The following DIS3L2 variants were observed in gnomAD, a reference collection of about 807,000 sequenced individuals.
DIS3L2 encodes DIS3-like exonuclease 2.
In DIS3L2, 34 loss-of-function variants were observed where a neutral mutation model predicts 97.5. The observed-to-expected ratio is 0.35, with a 90% CI of 0.27 to 0.46. The LOEUF is 0.46. Among genes scored for constraint, DIS3L2 ranks in the 20% least tolerant of loss-of-function variants. DIS3L2 has a pLI of 1.00. For synonymous variants in DIS3L2, 435 were observed against 445.2 expected (o/e 0.98, Z 0.29); for missense variants, 1,038 against 1,146.0 (o/e 0.91, Z 1.36).
chr2:232,056,738 C>T (rs1020297891), intron 5 of DIS3L2, among the ~76,000 whole-genome samples: 3 of 152,202 alleles, frequency 2.0e-5, no homozygotes, highest in Admixed American at 1.3e-4. Flanking sequence ...TACTACTTCA[C>T]ATCTCCCTGA....
intron 6 of DIS3L2, among the ~76,000 whole-genome samples, chr2:232,123,092 C>T (rs1697957412): frequency 6.6e-6 from 1 of 152,128 alleles, no homozygotes; most frequent in African/African-American, 2.4e-5. Context: ...TTCCACAACC[C>T]TCCCACCCTA....
intron 9 of DIS3L2, 94 bp downstream of exon 9, chr2:232,163,726 A>G (rs968702876): frequency 2.1e-6 from 3 of 1,400,256 alleles, no homozygotes; most frequent in African/African-American, 2.9e-5. Context: ...TTCCACGAAC[A>G]TTCAAGTTCA....
At position 232,001,557 on chromosome 2, in the gene DIS3L2, C is replaced by CTTT. The variant is rs57766848; in HGVS notation, c.-93-13257_-93-13255dup. Among the ~76,000 whole-genome samples the CTTT allele has an allele frequency of 2.4e-3, 146 of 61,900 alleles. 3 individuals carry two copies. Among genetic ancestry groups the CTTT allele is most frequent in the African/African-American group, 6.1e-3 (70 of 11,530 alleles). 40.6% of individuals were successfully genotyped at this position (61,900 alleles called of 152,430 possible). A position where few individuals can be genotyped will look rare whatever the true frequency, so the allele number is the denominator to read the frequency against. On this transcript the variant is annotated intron_variant, in intron 1 of 20. Coordinates refer to ENST00000325385, the MANE Select transcript of DIS3L2 (RefSeq NM_152383.5). The stretch of plus-strand genomic sequence containing the variant: ...CTTAGCTTAGTGGAATGCCATTTGT[C>CTTT]TTTTTTTTTTTTTTTTTTTTTTTGC...
At chr2:232,116,813 A>G (rs1022566266) in intron 6 of DIS3L2, among the ~76,000 whole-genome samples, 8 of 118,584 alleles carry the variant, frequency 6.7e-5, no homozygotes, top group African/African-American at 2.9e-4. Flanking sequence ...TGCTTAAAAC[A>G]AACAAAAAAC....
intron 16 of DIS3L2, 79 bp from the exon 17 acceptor site, chr2:232,333,761 G>GAATCA: frequency 9.7e-6 from 14 of 1,443,660 alleles, no homozygotes; most frequent in Admixed American, 4.8e-5. Flanking sequence ...CCGACGGTGA[G>GAATCA]GCTGTGGGTG....
chr2:232,139,014 G>A (rs1698436466), intron 8 of DIS3L2, among the ~76,000 whole-genome samples: 2 of 152,208 alleles, frequency 1.3e-5, no homozygotes, highest in East Asian at 1.9e-4. Context: ...TTATGGATTC[G>A]TTACTTAAGG....
In DIS3L2 at chr2:232,205,239, A is replaced by AT. The variant is rs1411143783; in HGVS notation, c.1125-5087_1125-5086insT. ...ATATATATATATATATATATATATA[A>AT]AATGCAGTGAATTTTTTGTTGTTGT... is the stretch of plus-strand genomic sequence containing the variant. On this transcript the variant is annotated intron_variant, in intron 9 of 20. Coordinates refer to ENST00000325385, the MANE Select transcript of DIS3L2 (RefSeq NM_152383.5). Among the ~76,000 whole-genome samples, 4 of 132,730 alleles carry AT rather than the reference A, an allele frequency of 3.0e-5. No individual in the cohort carries two copies. In the South Asian group the frequency reaches 6.7e-4, roughly 22 times the overall value. 87.1% of individuals were successfully genotyped at this position (132,730 alleles called of 152,430 possible).
chr2:231,984,067 A>G (rs901759691), intron 1 of DIS3L2, among the ~76,000 whole-genome samples: 5 of 151,872 alleles, frequency 3.3e-5, no homozygotes, highest in African/African-American at 1.2e-4. Flanking sequence ...CTAGATAGTG[A>G]TTTCATTTAT....
intron 12 of DIS3L2, among the ~76,000 whole-genome samples, chr2:232,251,819 A>G (rs1574972808): frequency 6.6e-6 from 1 of 152,328 alleles, no homozygotes; most frequent in African/African-American, 2.4e-5. Context: ...TTCTGTACCC[A>G]ACGAAGCTAT....
chr2:232,011,180 C>T (rs1319336420), intron 1 of DIS3L2, among the ~76,000 whole-genome samples: 1 of 152,062 alleles, frequency 6.6e-6, no homozygotes, highest in Admixed American at 6.6e-5. Flanking sequence ...TTCTAGGGAC[C>T]AGTGGGCTGT....
At chr2:232,161,779 AT>A (rs34447522) in intron 8 of DIS3L2, among the ~76,000 whole-genome samples, 18,702 of 144,814 alleles carry the variant, frequency 0.13, 1,539 homozygotes, top group South Asian at 0.34. Context: ...CCCCAGTTCA[AT>A]TTTTTTTTTT....
intron 5 of DIS3L2, among the ~76,000 whole-genome samples, chr2:232,078,359 C>G (rs1696279339): frequency 6.6e-6 from 1 of 152,056 alleles, no homozygotes; most frequent in South Asian, 2.1e-4. Flanking sequence ...TATTTTCTAT[C>G]TGCTTGTAGA....
Position 232,014,849 on chromosome 2 carries a change from G to A in DIS3L2, c.-79G>A. ...CTTGGTTTCAGCGAATGACAACAGA[G>A]CTGCTCAAGGCGGGAACTCTGAGCT... is the stretch of plus-strand genomic sequence containing the variant. On this transcript the variant is annotated 5_prime_UTR_variant, in exon 2 of 21. Transcript: ENST00000325385. The A allele has an allele frequency of 2.0e-6, 3 of 1,485,650 alleles. No homozygotes were observed. The highest frequency in any genetic ancestry group is 2.8e-6 in the Non-Finnish European group (3 of 1,073,440). 92.0% of individuals were successfully genotyped at this position (1,485,650 alleles called of 1,614,324 possible).
chr2:231,967,984 G>A (rs1272486082), intron 1 of DIS3L2, among the ~76,000 whole-genome samples: 1 of 151,894 alleles, frequency 6.6e-6, no homozygotes, highest in Non-Finnish European at 1.5e-5. Context: ...GTTAAGTTTT[G>A]ACATATGTGT....
At chr2:232,029,491 T>A (rs1694745919) in intron 4 of DIS3L2, among the ~76,000 whole-genome samples, 2 of 152,124 alleles carry the variant, frequency 1.3e-5, no homozygotes, top group East Asian at 3.9e-4. Flanking sequence ...TGTCTGTATC[T>A]TGTGTTCATT....
intron 9 of DIS3L2, among the ~76,000 whole-genome samples, chr2:232,202,469 A>G (rs1431446538): frequency 6.6e-6 from 1 of 152,234 alleles, no homozygotes; most frequent in African/African-American, 2.4e-5. Flanking sequence ...ACCAATGAGT[A>G]AAGGGATGTA....
chr2:232,195,148 G>A (rs1302993970), intron 9 of DIS3L2, among the ~76,000 whole-genome samples: 1 of 152,074 alleles, frequency 6.6e-6, no homozygotes, highest in African/African-American at 2.4e-5. Flanking sequence ...TGAAAAGAAG[G>A]ACATTCATAC....
rs1332512168 is a variant in DIS3L2 at position 232,185,844 on chromosome 2, C to T, written c.1124+22212C>T. Among the ~76,000 whole-genome samples, 13 of 58,022 alleles carry T rather than the reference C, an allele frequency of 2.2e-4. No homozygotes were observed. In the South Asian group the frequency reaches 3.9e-3, roughly 17 times the overall value. The allele number at this position is 58,022 out of a possible 152,430, so 38.1% of individuals were successfully genotyped here. On this transcript the variant is annotated intron_variant, in intron 9 of 20. Transcript: ENST00000325385. ...CAGTCTGGGCAACAGAGTGAGACTT[C>T]GTCTCAAAAAAAAAAAAAAAAAGCA...
Position 232,080,576 on chromosome 2 carries a change from TCTC to T in DIS3L2, c.367-6905_367-6903del, listed in dbSNP as rs540423625. On this transcript the variant is annotated intron_variant, in intron 5 of 20. Coordinates refer to ENST00000325385, the MANE Select transcript of DIS3L2 (RefSeq NM_152383.5). Reference sequence around the variant, plus strand: ...TATTTACATTTCTCAGATTTTTGTCTCTCCTCCTTTTTTTCCCTTTCTTTTCTT... The same window carrying T: ...TATTTACATTTCTCAGATTTTTGTCTCTCCTTTTTTTCCCTTTCTTTTCTT... 3.9e-3 allele frequency among the ~76,000 whole-genome samples: 588 copies of T among 152,200 alleles called. 3 individuals carry two copies. Among genetic ancestry groups the T allele is most frequent in the African/African-American group, 0.013 (542 of 41,546 alleles).
Sources: allele counts gnomAD v4.1 joint callset (sites outside exome capture counted in the v4.1 genomes callset), GRCh38; gene constraint gnomAD v4.1.1; transcripts MANE v1.5; gene names NCBI Gene and HGNC (gene_info 2026-07-23, HGNC 2026-07-21).